The following PXDN variants were observed in gnomAD, a reference collection of about 807,000 sequenced individuals.
PXDN encodes peroxidasin homolog.
In PXDN, 77 loss-of-function variants were observed where a neutral mutation model predicts 140.3. The ratio of observed to expected loss-of-function variants is 0.55; its 90% CI spans 0.46 to 0.66. PXDN has a LOEUF of 0.66. Ranked by LOEUF, PXDN falls within the 30% of genes least tolerant of loss-of-function variation. The pLI, the probability that PXDN is intolerant of heterozygous loss-of-function variation, is 0.00. For missense variants in PXDN, 1,838 were observed against 2,039.5 expected (o/e 0.90, Z 1.90); for synonymous variants, 911 against 857.4 (o/e 1.06, Z -1.09).
chr2:1,663,971 G>T, intron 11 of PXDN: 2 of 586,112 alleles, frequency 3.4e-6, no homozygotes, highest in Non-Finnish European at 6.0e-6. Flanking sequence ...CAGACAGAGG[G>T]GTTGACAGTG....
chr2:1,654,007 A>T (rs992348677), intron 15 of PXDN: 2 of 560,028 alleles, frequency 3.6e-6, no homozygotes, highest in African/African-American at 1.9e-5. Context: ...AATTAAGTCA[A>T]TAGAGAAAAT....
intron 8 of PXDN, among the ~76,000 whole-genome samples, chr2:1,675,802 TATCAAACAATGACTCAGTTTGAGCCC>T (rs1558503216): frequency 5.0e-5 from 5 of 100,244 alleles, no homozygotes; most frequent in African/African-American, 3.5e-4. Flanking sequence ...TGAGCCCGAG[TATCAAACAATGACTCAGTTTGAGCCC>T]GAGTATCACA....
At chr2:1,743,521 G>A (rs982220901) in intron 1 of PXDN, among the ~76,000 whole-genome samples, 1 of 151,786 alleles carries the variant, frequency 6.6e-6, no homozygotes, top group Non-Finnish European at 1.5e-5. Context: ...GGGAGCGGGG[G>A]CGCCGCGGCT....
At chr2:1,725,638 G>A (rs986194879) in intron 1 of PXDN, among the ~76,000 whole-genome samples, 1 of 152,106 alleles carries the variant, frequency 6.6e-6, no homozygotes, top group Admixed American at 6.5e-5. Context: ...GAGTGAACAG[G>A]CAACCTACAG....
intron 1 of PXDN, among the ~76,000 whole-genome samples, chr2:1,702,827 G>A (rs560962201): frequency 2.0e-5 from 3 of 152,168 alleles, no homozygotes; most frequent in Non-Finnish European, 2.9e-5. Context: ...AGGTTTCACC[G>A]AGTTGGCCAA....
intron 1 of PXDN, among the ~76,000 whole-genome samples, chr2:1,734,256 G>T (rs186091951): frequency 2.6e-5 from 4 of 152,264 alleles, no homozygotes; most frequent in African/African-American, 9.6e-5. Flanking sequence ...TAATATAGCT[G>T]ATTAACTATG....
chr2:1,683,888 TTC>T (rs1236723184), intron 5 of PXDN, among the ~76,000 whole-genome samples, 161 bp from the exon 6 acceptor site: 3 of 151,272 alleles, frequency 2.0e-5, no homozygotes, highest in Admixed American at 6.6e-5. Flanking sequence ...TGGTTTTTTT[TTC>T]CTGTTTTATC....
intron 8 of PXDN, chr2:1,676,403 G>T (rs536072253): frequency 6.4e-6 from 1 of 157,172 alleles, no homozygotes; most frequent in East Asian, 1.9e-4. Context: ...GGACACAAGA[G>T]AAGACTTCCT....
chr2:1,689,007 C>T (rs1297913151), intron 3 of PXDN, among the ~76,000 whole-genome samples: 3 of 152,094 alleles, frequency 2.0e-5, no homozygotes, highest in East Asian at 3.9e-4. Context: ...GAGCTGACCT[C>T]ATAAAGAGTT....
In PXDN at chr2:1,687,695, T is replaced by C. The variant is rs773051297; in HGVS notation, c.353A>G (p.Tyr118Cys). 1.3e-6 allele frequency: 2 copies of C among 1,520,726 alleles called. No individual in the cohort carries two copies. The highest frequency in any genetic ancestry group is 1.8e-6 in the Non-Finnish European group (2 of 1,099,734). The allele number at this position is 1,520,726 out of a possible 1,614,324, so 94.2% of individuals were successfully genotyped here. A position where few individuals can be genotyped will look rare whatever the true frequency, so the allele number is the denominator to read the frequency against. The change falls in exon 4 of 23, where the codon TAC (tyrosine) becomes TGC (cysteine). Residue 118 changes from tyrosine to cysteine, a missense_variant. Physicochemically the swap from Tyr to Cys is radical, Grantham distance 194 (BLOSUM62 -2). This residue lies in a region of PXDN where 231 missense variants were observed against 201.5 expected (regional missense o/e 1.15). Coordinates refer to ENST00000252804, the MANE Select transcript of PXDN (RefSeq NM_012293.3). This position sits in a 1 kb window ranked among gnomAD's most constrained non-coding sequence, Gnocchi z 4.0. ...DLENLKYLYL[Y>C]KNEIQSIDRQ... is the part of the protein sequence containing the mutation. ...GTCAATTGACTGGATCTCATTCTTG[T>C]ACAGATAGCTGAAACAAGAAACATT...
chr2:1,649,679 G>C lies in PXDN; in HGVS notation c.2105-4C>G, dbSNP rs779668723. The C allele has an allele frequency of 6.2e-7, 1 of 1,613,726 alleles. No individual in the cohort carries two copies. Among genetic ancestry groups the C allele is most frequent in the East Asian group, 2.2e-5 (1 of 44,866 alleles). The stretch of plus-strand genomic sequence containing the variant: ...ACCAGGTCGTTGTAGTGGTAACCTG[G>C]GACGTGGAGAAAAGCAAGACGCACT... On this transcript the variant is annotated splice_polypyrimidine_tract_variant and splice_region_variant and intron_variant, in intron 16 of 22. Transcript: ENST00000252804. This position sits in a 1 kb window ranked among gnomAD's most constrained non-coding sequence, Gnocchi z 7.1.
chr2:1,634,211 T>C lies in PXDN; in HGVS notation c.4433A>G (p.Lys1478Arg). ...GAGGAGCCTCCCAGGAGCCTAGGGCTTTTCCTCCGCCCTCTTCTGTAAGCA... is the reference window on the plus strand; with the variant it reads ...GAGGAGCCTCCCAGGAGCCTAGGGCCTTTCCTCCGCCCTCTTCTGTAAGCA... ...PVCLQKRAEE[K>R]P The change falls in exon 23 of 23, where the codon AAG (lysine) becomes AGG (arginine). Residue 1478 changes from lysine to arginine, a missense_variant. By Grantham distance (26) the Lys-to-Arg change is conservative. Transcript: ENST00000252804. The C allele has an allele frequency of 6.3e-7, 1 of 1,583,062 alleles. No individual in the cohort carries two copies. Among genetic ancestry groups the C allele is most frequent in the African/African-American group, 1.3e-5 (1 of 74,456 alleles).
At chr2:1,640,109 C>T (rs1682687859) in intron 19 of PXDN, among the ~76,000 whole-genome samples, 2 of 144,580 alleles carry the variant, frequency 1.4e-5, no homozygotes, top group Admixed American at 6.8e-5. Context: ...GCCCTCAGTG[C>T]CGTGTCCCTC....
At chr2:1,686,603 T>C (rs1232283230) in intron 4 of PXDN, among the ~76,000 whole-genome samples, 6 of 152,198 alleles carry the variant, frequency 3.9e-5, no homozygotes, top group Non-Finnish European at 8.8e-5. Flanking sequence ...TCTCCCTACA[T>C]CTGGGTGTTC....
intron 1 of PXDN, among the ~76,000 whole-genome samples, chr2:1,726,503 A>G (rs903611489): frequency 6.6e-6 from 1 of 151,850 alleles, no homozygotes; most frequent in African/African-American, 2.4e-5. Context: ...TGGGTGCAGC[A>G]CACCAGCATG....
At chr2:1,652,367 A>G (rs888417932) in intron 16 of PXDN, among the ~76,000 whole-genome samples, 18 of 152,204 alleles carry the variant, frequency 1.2e-4, no homozygotes, top group Non-Finnish European at 2.5e-4. Flanking sequence ...GGAGACTGGC[A>G]CCAGGGACTT....
chr2:1,680,989 A>G (rs868748388), intron 6 of PXDN, among the ~76,000 whole-genome samples: 5 of 152,340 alleles, frequency 3.3e-5, no homozygotes, highest in Middle Eastern at 3.4e-3. Context: ...GCACCCTGGG[A>G]AAAGTGTTGT....
At chr2:1,741,063 C>T (rs1685532005) in intron 1 of PXDN, among the ~76,000 whole-genome samples, 2 of 152,186 alleles carry the variant, frequency 1.3e-5, no homozygotes, top group South Asian at 4.1e-4. Context: ...ATGACCATAG[C>T]CTCAACCGTG....
chr2:1,692,386 G>A, intron 2 of PXDN: 2 of 408,566 alleles, frequency 4.9e-6, no homozygotes, highest in South Asian at 3.7e-5. Context: ...GACGTGCCAG[G>A]AAAGGTGGGC....
Sources: allele counts gnomAD v4.1 joint callset (sites outside exome capture counted in the v4.1 genomes callset), GRCh38; gene constraint gnomAD v4.1.1; regional missense constraint gnomAD v4.1.1; non-coding constraint Gnocchi (gnomAD v3.1); transcripts MANE v1.5; gene names NCBI Gene and HGNC (gene_info 2026-07-23, HGNC 2026-07-21).